HTR3B: variants seen among roughly 807,000 people sequenced by gnomAD.
HTR3B encodes the protein 5-hydroxytryptamine receptor 3B, also known as 5-hydroxytryptamine (serotonin) receptor 3B, ionotropic.
HTR3B carries 44 observed loss-of-function variants against 42.8 expected under a neutral mutation model. The observed-to-expected ratio is 1.03, with a 90% CI of 0.81 to 1.32. The LOEUF is 1.32. Ranked by LOEUF, HTR3B falls within the 40% of genes most tolerant of loss-of-function variation. The pLI is 0.00. For missense variants in HTR3B, 527 were observed against 536.5 expected (o/e 0.98, Z 0.17); for synonymous variants, 203 against 209.0 (o/e 0.97, Z 0.25).
intron 6 of HTR3B, among the ~76,000 whole-genome samples, chr11:113,933,385 T>G (rs1285861847): frequency 6.6e-6 from 1 of 151,826 alleles, no homozygotes; most frequent in Non-Finnish European, 1.5e-5. Context: ...CCACACACAC[T>G]TACATTATGG....
upstream of HTR3B, among the ~76,000 whole-genome samples, chr11:113,901,446 GAA>G (rs1245564709): frequency 5.2e-5 from 7 of 135,342 alleles, no homozygotes; most frequent in Non-Finnish European, 3.2e-5. Flanking sequence ...GCCTCTTAGG[GAA>G]AAAAAAAAAA....
At chr11:113,934,713 G>A (rs1950073926) in intron 6 of HTR3B, among the ~76,000 whole-genome samples, 1 of 148,320 alleles carries the variant, frequency 6.7e-6, no homozygotes, top group South Asian at 2.1e-4. Flanking sequence ...ATTGTGGCCT[G>A]TTTGTCCACT....
chr11:113,932,213 C>T, intron 4 of HTR3B, 76 bp from the exon 5 acceptor site: 1 of 1,217,908 alleles, frequency 8.2e-7, no homozygotes, highest in Non-Finnish European at 1.2e-6. Flanking sequence ...TGGTCACTAC[C>T]ATCTCCTAAT....
upstream of HTR3B, among the ~76,000 whole-genome samples, chr11:113,901,563 T>C (rs1431565575): frequency 6.6e-6 from 1 of 151,826 alleles, no homozygotes; most frequent in Non-Finnish European, 1.5e-5. Flanking sequence ...CAAGGAAAGA[T>C]CAGGAAGCAT....
intron 6 of HTR3B, among the ~76,000 whole-genome samples, chr11:113,941,348 G>A (rs372673103): frequency 2.6e-5 from 4 of 152,196 alleles, no homozygotes; most frequent in East Asian, 3.9e-4. Context: ...GCCGTAGTGG[G>A]GAAGCAGCCC....
upstream of HTR3B, chr11:113,904,724 A>G (rs1949721415): frequency 7.7e-6 from 4 of 516,150 alleles, no homozygotes; most frequent in African/African-American, 1.9e-5. Context: ...AAGGGATTTC[A>G]TGACGGCATC....
At chr11:113,943,543 C>T (rs904665375) in intron 7 of HTR3B, among the ~76,000 whole-genome samples, 3 of 151,982 alleles carry the variant, frequency 2.0e-5, no homozygotes, top group Non-Finnish European at 4.4e-5. Flanking sequence ...CGATGTTGAT[C>T]AGGCTGGTCT....
At chr11:113,899,809 CAG>C (rs1159430510), upstream of HTR3B, among the ~76,000 whole-genome samples, 2 of 152,122 alleles carry the variant, frequency 1.3e-5, no homozygotes, top group African/African-American at 4.8e-5. Context: ...AATGGAGAAA[CAG>C]AGTGCAAAGG....
In HTR3B at chr11:113,922,455, A is replaced by G. The variant is rs1435055848; in HGVS notation, c.214-8929A>G. 7.2e-5 allele frequency among the ~76,000 whole-genome samples: 11 copies of G among 152,208 alleles called. No individual in the cohort carries two copies. In the East Asian group the frequency reaches 2.1e-3, roughly 29 times the overall value. ...CGCCATGTTGCCCAGGCTGGTCTCG[A>G]ACTCCTGGCCTCAAGTGATCCACTC... On this transcript the variant is annotated intron_variant, in intron 2 of 8. Transcript: ENST00000260191.
In HTR3B at chr11:113,944,264, C is replaced by T. The variant is rs555694636; in HGVS notation, c.908-309C>T. 8.9e-4 allele frequency among the ~76,000 whole-genome samples: 135 copies of T among 152,164 alleles called. 1 individual carries two copies. Among genetic ancestry groups the T allele is most frequent in the African/African-American group, 3.1e-3 (130 of 41,532 alleles). ...CGATCTCCTGACCTTGTGATCCACC[C>T]GCCTCAGCCTCCCAAAGTGTTGGGA... On this transcript the variant is annotated intron_variant, in intron 7 of 8. Coordinates refer to ENST00000260191, the MANE Select transcript of HTR3B (RefSeq NM_006028.5).
At chr11:113,940,406 T>C (rs1219488695) in intron 6 of HTR3B, among the ~76,000 whole-genome samples, 2 of 152,188 alleles carry the variant, frequency 1.3e-5, no homozygotes, top group African/African-American at 4.8e-5. Flanking sequence ...AATACCCCCA[T>C]GGACTCTGGC....
the HTR3B span, among the ~76,000 whole-genome samples, chr11:113,899,222 C>G: frequency 6.6e-6 from 1 of 152,044 alleles, no homozygotes; most frequent in African/African-American, 2.4e-5. Context: ...TTTTAAGGAC[C>G]GTAAAATGTG....
intron 2 of HTR3B, among the ~76,000 whole-genome samples, chr11:113,915,615 G>C (rs1040556660): frequency 2.6e-5 from 4 of 152,068 alleles, no homozygotes; most frequent in Non-Finnish European, 4.4e-5. Flanking sequence ...TCCATTTGGG[G>C]GCAATTATGA....
chr11:113,935,779 G>A (rs889826417), intron 6 of HTR3B, among the ~76,000 whole-genome samples: 25 of 152,046 alleles, frequency 1.6e-4, no homozygotes, highest in Admixed American at 1.2e-3. Context: ...TAATCTACTC[G>A]CCGGCTGTGT....
rs1412621382 is a variant in HTR3B, at chr11:113,945,981, C to G, written c.1170C>G (p.Asn390Lys). ...GGTCGCAGCTTCAATCTATCAGCAA[C>G]TACCTCCAAACTCAGGACCAGACAG... ...EVWSQLQSIS[N>K]YLQTQDQTDQ... The change falls in exon 9 of 9, where the codon AAC becomes AAG. Residue 390 changes from asparagine (N) to lysine (K), a missense_variant. Coordinates refer to ENST00000260191, the MANE Select transcript of HTR3B (RefSeq NM_006028.5). 1 of 1,614,164 alleles carries G rather than the reference C, an allele frequency of 6.2e-7. No individual in the cohort carries two copies. The highest frequency in any genetic ancestry group is 8.5e-7 in the Non-Finnish European group (1 of 1,180,028).
chr11:113,934,532 T>C (rs1950071898), intron 6 of HTR3B, among the ~76,000 whole-genome samples: 1 of 152,132 alleles, frequency 6.6e-6, no homozygotes, highest in South Asian at 2.1e-4. Flanking sequence ...TGGTTAAAGG[T>C]GTATACAGCT....
rs1306700143 is a variant in HTR3B, at chr11:113,948,481, C to T, written c.*2344C>T. On this transcript the variant is annotated 3_prime_UTR_variant, in exon 9 of 9. Coordinates refer to ENST00000260191, the MANE Select transcript of HTR3B (RefSeq NM_006028.5). The stretch of plus-strand genomic sequence containing the variant: ...CTTAACTTCTCAGACTTCAACTTAC[C>T]TTATTTGAAATTGGGGCTGTTTATA... Among the ~76,000 whole-genome samples the T allele has an allele frequency of 6.6e-6, 1 of 152,222 alleles. No individual in the cohort carries two copies. The highest frequency in any genetic ancestry group is 2.4e-5 in the African/African-American group (1 of 41,456).
chr11:113,913,722 C>G (rs796922475), intron 2 of HTR3B, among the ~76,000 whole-genome samples: 45 of 152,144 alleles, frequency 3.0e-4, no homozygotes, highest in African/African-American at 1.1e-3. Flanking sequence ...GCCATGTTGG[C>G]TAGGCTTGTC....
chr11:113,918,920 G>C (rs964462878), intron 2 of HTR3B, among the ~76,000 whole-genome samples: 6 of 152,098 alleles, frequency 3.9e-5, no homozygotes, highest in Non-Finnish European at 8.8e-5. Flanking sequence ...GCCTCCGAAA[G>C]TGTTGGAATT....
Sources: gnomAD v4.1 joint callset for allele counts (sites outside exome capture counted in the v4.1 genomes callset) on GRCh38, gnomAD v4.1.1 for gene constraint, MANE v1.5 for transcripts, NCBI Gene and HGNC (gene_info 2026-07-23, HGNC 2026-07-21) for gene names.